The following ANKH variants were observed in gnomAD, a reference collection of about 807,000 sequenced individuals.
ANKH encodes mineralization regulator ANKH.
A neutral mutation model predicts 49.0 loss-of-function variants in ANKH; 15 were observed. That is an observed-to-expected ratio of 0.31 (90% confidence interval 0.20 to 0.47). The LOEUF (loss-of-function observed/expected upper bound fraction) is 0.47, where lower values mean the gene tolerates loss of function less well. Ranked by LOEUF, ANKH falls within the 20% of genes least tolerant of loss-of-function variation. ANKH has a pLI of 1.00. For synonymous variants in ANKH, 273 were observed against 260.0 expected (o/e 1.05, Z -0.48); for missense variants, 429 against 652.0 (o/e 0.66, Z 3.72).
intron 1 of ANKH, among the ~76,000 whole-genome samples, chr5:14,789,321 T>G (rs1162846398): frequency 6.6e-6 from 1 of 152,184 alleles, no homozygotes; most frequent in African/African-American, 2.4e-5. Flanking sequence ...GTTAGAATCG[T>G]TTTACAAAGT....
chr5:14,766,254 G>A (rs1413548936), intron 2 of ANKH, among the ~76,000 whole-genome samples: 2 of 152,026 alleles, frequency 1.3e-5, no homozygotes, highest in African/African-American at 4.8e-5. Flanking sequence ...AAATTAGCCA[G>A]ATGTGGTGGC....
intron 7 of ANKH, among the ~76,000 whole-genome samples, chr5:14,744,689 T>C (rs1738473510): frequency 6.6e-6 from 1 of 152,232 alleles, no homozygotes; most frequent in Admixed American, 6.5e-5. Flanking sequence ...CCTCACACTT[T>C]CAGAGATGCC....
chr5:14,843,588 C>G (rs1045034665), intron 1 of ANKH, among the ~76,000 whole-genome samples: 6 of 133,420 alleles, frequency 4.5e-5, no homozygotes, highest in Non-Finnish European at 3.2e-5. Flanking sequence ...CTGAAAGTAG[C>G]AGAAAAAGTG....
intron 2 of ANKH, among the ~76,000 whole-genome samples, chr5:14,764,573 G>C (rs1011874294): frequency 6.6e-6 from 1 of 152,172 alleles, no homozygotes; most frequent in South Asian, 2.1e-4. Flanking sequence ...CTGCAGTCTT[G>C]CAAACAAAAA....
At chr5:14,767,414 ATGC>A (rs1383153124) in intron 2 of ANKH, among the ~76,000 whole-genome samples, 1 of 152,220 alleles carries the variant, frequency 6.6e-6, no homozygotes, top group Non-Finnish European at 1.5e-5. Context: ...GGATGGAAAA[ATGC>A]TGTGATTGCA....
intron 1 of ANKH, among the ~76,000 whole-genome samples, chr5:14,867,197 A>G (rs1203712509): frequency 1.3e-5 from 2 of 151,924 alleles, no homozygotes; most frequent in African/African-American, 4.8e-5. Context: ...ACGACAGCTA[A>G]GATTAAATTT....
chr5:14,827,628 G>C (rs1741381894), intron 1 of ANKH, among the ~76,000 whole-genome samples: 1 of 152,102 alleles, frequency 6.6e-6, no homozygotes, highest in African/African-American at 2.4e-5. Flanking sequence ...CAGATAACTG[G>C]GTGTCTCATC....
At chr5:14,805,308 C>T (rs1419226524) in intron 1 of ANKH, among the ~76,000 whole-genome samples, 1 of 151,596 alleles carries the variant, frequency 6.6e-6, no homozygotes, top group East Asian at 2.0e-4. Flanking sequence ...TGCTCCTCAG[C>T]TGGCAGATGG....
chr5:14,820,544 A>C (rs1741169234), intron 1 of ANKH, among the ~76,000 whole-genome samples: 1 of 152,220 alleles, frequency 6.6e-6, no homozygotes, highest in Non-Finnish European at 1.5e-5. Context: ...GGAGATTCTT[A>C]CAAAACTCAC....
chr5:14,724,553 T>C, intron 8 of ANKH: 1 of 985,352 alleles, frequency 1.0e-6, no homozygotes, highest in Non-Finnish European at 1.2e-6. Flanking sequence ...GACCCCTGGG[T>C]CTTACTATGC....
At chr5:14,766,391 G>C (rs950337748) in intron 2 of ANKH, among the ~76,000 whole-genome samples, 1 of 152,244 alleles carries the variant, frequency 6.6e-6, no homozygotes, top group South Asian at 2.1e-4. Flanking sequence ...GCAAGACTCT[G>C]TCTCAAAAAC....
intron 8 of ANKH, among the ~76,000 whole-genome samples, chr5:14,724,314 T>C (rs1275968158): frequency 1.2e-5 from 1 of 80,386 alleles, no homozygotes; most frequent in African/African-American, 3.5e-5. Context: ...TGAAACTCTG[T>C]CTCAAAACAA....
intron 1 of ANKH, among the ~76,000 whole-genome samples, chr5:14,817,243 G>GGTGTGCTAGT (rs758060822): frequency 4.7e-4 from 71 of 152,252 alleles, no homozygotes; most frequent in Non-Finnish European, 8.5e-4. Flanking sequence ...ATGTGTCAGA[G>GGTGTGCTAGT]GCTGTCTGAC....
chr5:14,838,285 A>G (rs1741716445), intron 1 of ANKH, among the ~76,000 whole-genome samples: 1 of 152,042 alleles, frequency 6.6e-6, no homozygotes. Flanking sequence ...ACCTAACGCT[A>G]AACGACGAGT....
chr5:14,843,180 T>C (rs1029091894), intron 1 of ANKH, among the ~76,000 whole-genome samples: 2 of 150,836 alleles, frequency 1.3e-5, no homozygotes, highest in African/African-American at 4.9e-5. Flanking sequence ...GTTCTCTTTT[T>C]TTTTTTTTTT....
At chr5:14,827,312 G>A (rs919815366) in intron 1 of ANKH, among the ~76,000 whole-genome samples, 1 of 152,200 alleles carries the variant, frequency 6.6e-6, no homozygotes, top group Non-Finnish European at 1.5e-5. Flanking sequence ...AGCTGAGGAA[G>A]GTAAAACAAA....
intron 8 of ANKH, among the ~76,000 whole-genome samples, chr5:14,721,295 C>T (rs1037030068): frequency 3.9e-5 from 6 of 152,190 alleles, no homozygotes; most frequent in African/African-American, 1.4e-4. Flanking sequence ...CTGTGCTGAG[C>T]ACACCCTAAA....
intron 8 of ANKH, among the ~76,000 whole-genome samples, chr5:14,730,316 C>G (rs1049249808): frequency 4.3e-4 from 66 of 152,260 alleles, no homozygotes; most frequent in African/African-American, 1.5e-3. Flanking sequence ...TTCACATTCA[C>G]AGGAATCAGG....
chr5:14,809,335 TA>T (rs36119317), intron 1 of ANKH, among the ~76,000 whole-genome samples: 510 of 80,832 alleles, frequency 6.3e-3, no homozygotes, highest in African/African-American at 8.0e-3. Context: ...TAGAGTATAA[TA>T]AAAAAAAAAA....
Sources: gnomAD v4.1 joint callset for allele counts (sites outside exome capture counted in the v4.1 genomes callset) on GRCh38, gnomAD v4.1.1 for gene constraint, MANE v1.5 for transcripts, NCBI Gene and HGNC (gene_info 2026-07-23, HGNC 2026-07-21) for gene names.